The following DLG2 variants were observed in gnomAD, a reference collection of about 807,000 sequenced individuals.
DLG2 encodes disks large homolog 2.
In DLG2, 45 loss-of-function variants were observed where a neutral mutation model predicts 132.5. The ratio of observed to expected loss-of-function variants is 0.34; its 90% CI spans 0.27 to 0.44. The LOEUF (loss-of-function observed/expected upper bound fraction) is 0.44, where lower values mean the gene tolerates loss of function less well. Ranked by LOEUF, DLG2 falls within the 20% of genes least tolerant of loss-of-function variation. DLG2 has a pLI of 1.00. For synonymous variants in DLG2, 424 were observed against 419.6 expected (o/e 1.01, Z -0.13); for missense variants, 1,045 against 1,196.9 (o/e 0.87, Z 1.87).
At position 83,817,991 on chromosome 11, in the gene DLG2, A is replaced by G. The variant is rs912993906; in HGVS notation, c.1722+15623T>C. On this transcript the variant is annotated intron_variant, in intron 17 of 27. Coordinates refer to ENST00000376104, the MANE Select transcript of DLG2 (RefSeq NM_001142699.3). Reference sequence around the variant, plus strand: ...CTTCAGTGCATCCTTTTTATCACACAAAGTTCTCTCAAACACATACATTCC... The same window carrying G: ...CTTCAGTGCATCCTTTTTATCACACGAAGTTCTCTCAAACACATACATTCC... Among the ~76,000 whole-genome samples, 8 of 152,212 alleles carry G rather than the reference A, an allele frequency of 5.3e-5. 1 individual carries two copies. The highest frequency in any genetic ancestry group is 1.9e-4 in the African/African-American group (8 of 41,456).
chr11:84,419,503 C>T (rs1251887336), intron 7 of DLG2, among the ~76,000 whole-genome samples: 1 of 152,178 alleles, frequency 6.6e-6, no homozygotes, highest in Non-Finnish European at 1.5e-5. Context: ...ATATACAAAA[C>T]AACCCTGAAA....
intron 3 of DLG2, among the ~76,000 whole-genome samples, chr11:85,458,264 T>C (rs1004855541): frequency 6.6e-6 from 1 of 152,208 alleles, no homozygotes; most frequent in African/African-American, 2.4e-5. Context: ...ATTCTTGCAG[T>C]ATGTTTTTCA....
intron 9 of DLG2, among the ~76,000 whole-genome samples, chr11:84,130,621 G>A (rs768333807): frequency 1.3e-4 from 19 of 150,630 alleles, no homozygotes; most frequent in East Asian, 3.9e-4. Context: ...GTATATGATC[G>A]TTCTTAAGCA....
At chr11:84,122,612 C>T (rs974163571) in intron 9 of DLG2, among the ~76,000 whole-genome samples, 4 of 152,076 alleles carry the variant, frequency 2.6e-5, no homozygotes, top group Non-Finnish European at 2.9e-5. Flanking sequence ...GGCTGTGTTT[C>T]GGGAGATGTT....
Position 85,375,617 on chromosome 11 carries a change from A to G in DLG2, c.41-90252T>C, listed in dbSNP as rs139369309. 2.2e-4 allele frequency among the ~76,000 whole-genome samples: 33 copies of G among 152,262 alleles called. 1 individual carries two copies. The highest frequency in any genetic ancestry group is 7.9e-4 in the African/African-American group (33 of 41,564). On this transcript the variant is annotated intron_variant, in intron 3 of 27. Transcript: ENST00000376104. ...ATCAATGTAGTTTTATTTTTTCAGT[A>G]TTTTTCAGTACTCCTTTGTAAGTAT...
At chr11:85,466,218 T>A (rs1286936232) in intron 3 of DLG2, among the ~76,000 whole-genome samples, 1 of 152,220 alleles carries the variant, frequency 6.6e-6, no homozygotes, top group Non-Finnish European at 1.5e-5. Context: ...TAGCCCTTTG[T>A]CAGACGAGTA....
intron 18 of DLG2, among the ~76,000 whole-genome samples, chr11:83,661,089 A>G (rs1241044428): frequency 6.6e-6 from 1 of 152,116 alleles, no homozygotes; most frequent in African/African-American, 2.4e-5. Flanking sequence ...CAGAAAATTC[A>G]AACACCAAAT....
chr11:85,464,403 G>A (rs906942342), intron 3 of DLG2, among the ~76,000 whole-genome samples: 4 of 152,090 alleles, frequency 2.6e-5, no homozygotes, highest in Admixed American at 6.5e-5. Flanking sequence ...TGGTGGGCAT[G>A]GGGCAAGGGA....
At chr11:85,047,977 C>A (rs1195653195) in intron 6 of DLG2, among the ~76,000 whole-genome samples, 1 of 151,832 alleles carries the variant, frequency 6.6e-6, no homozygotes, top group Non-Finnish European at 1.5e-5. Flanking sequence ...CCTGAGAGAT[C>A]CCTTTTCTAG....
intron 4 of DLG2, among the ~76,000 whole-genome samples, chr11:85,176,656 T>C (rs1465056286): frequency 6.6e-6 from 1 of 152,110 alleles, no homozygotes; most frequent in Non-Finnish European, 1.5e-5. Flanking sequence ...CAAAAGAAAC[T>C]ATCATCAGAG....
chr11:84,061,644 A>G (rs2096592340), intron 10 of DLG2, among the ~76,000 whole-genome samples: 1 of 152,162 alleles, frequency 6.6e-6, no homozygotes, highest in Non-Finnish European at 1.5e-5. Flanking sequence ...TATTATATGA[A>G]AAGTATGGGA....
At chr11:84,123,355 C>A (rs945294460) in intron 9 of DLG2, among the ~76,000 whole-genome samples, 41 of 152,292 alleles carry the variant, frequency 2.7e-4, no homozygotes, top group Admixed American at 2.7e-3. Flanking sequence ...TATAAGGTCA[C>A]ATATTCTCTT....
chr11:85,402,624 T>G (rs952901199), intron 3 of DLG2, among the ~76,000 whole-genome samples: 2 of 151,834 alleles, frequency 1.3e-5, no homozygotes, highest in African/African-American at 2.4e-5. Context: ...GAATCTACAA[T>G]GAACTCAAAC....
intron 6 of DLG2, among the ~76,000 whole-genome samples, chr11:84,557,133 A>G (rs61898960): frequency 0.1 from 15,676 of 152,186 alleles, 935 homozygotes; most frequent in African/African-American, 0.17. Context: ...ATAGTATTCA[A>G]TTACTTAATT....
intron 3 of DLG2, among the ~76,000 whole-genome samples, chr11:85,539,906 C>T (rs1325350526): frequency 6.6e-6 from 1 of 152,172 alleles, no homozygotes; most frequent in Non-Finnish European, 1.5e-5. Context: ...TTCAGGCACA[C>T]CTTAAGCAAT....
chr11:84,056,531 C>T lies in DLG2; in HGVS notation c.919+2784G>A, dbSNP rs1010173760. ...CATTTAAACTTTCTGAGGACAGAGA[C>T]GACATCTCATTTATCTTCACTCCAG... On this transcript the variant is annotated intron_variant, in intron 11 of 27. Coordinates refer to ENST00000376104, the MANE Select transcript of DLG2 (RefSeq NM_001142699.3). 2.5e-4 allele frequency among the ~76,000 whole-genome samples: 38 copies of T among 152,198 alleles called. 1 individual carries two copies. Among genetic ancestry groups the T allele is most frequent in the African/African-American group, 7.5e-4 (31 of 41,540 alleles).
chr11:83,627,754 G>C (rs2062845126), intron 19 of DLG2, among the ~76,000 whole-genome samples: 1 of 152,146 alleles, frequency 6.6e-6, no homozygotes. Flanking sequence ...AGGTCAAATG[G>C]TATTTCTAGT....
intron 6 of DLG2, among the ~76,000 whole-genome samples, chr11:85,039,166 G>A (rs948638524): frequency 2.0e-5 from 3 of 151,586 alleles, no homozygotes; most frequent in African/African-American, 7.3e-5. Flanking sequence ...GTCAGCTTTT[G>A]GTTTATTCAC....
chr11:85,399,657 C>G (rs1201855330), intron 3 of DLG2, among the ~76,000 whole-genome samples: 2 of 152,048 alleles, frequency 1.3e-5, no homozygotes, highest in Non-Finnish European at 2.9e-5. Flanking sequence ...CTTTGACAAA[C>G]CTGAGAAAAA....
Sources: allele counts gnomAD v4.1 joint callset (sites outside exome capture counted in the v4.1 genomes callset), GRCh38; gene constraint gnomAD v4.1.1; transcripts MANE v1.5; gene names NCBI Gene and HGNC (gene_info 2026-07-23, HGNC 2026-07-21).